The following WDR70 variants were observed in gnomAD, a reference collection of about 807,000 sequenced individuals.
WDR70 encodes WD repeat-containing protein 70.
A neutral mutation model predicts 88.6 loss-of-function variants in WDR70; 53 were observed. That is an observed-to-expected ratio of 0.60 (90% CI 0.48 to 0.75). The LOEUF (loss-of-function observed/expected upper bound fraction) is 0.75, where lower values mean the gene tolerates loss of function less well. WDR70 is among the 30% of genes least tolerant of loss of function. WDR70 has a pLI of 0.00. For missense variants in WDR70, 610 were observed against 823.2 expected, an observed-to-expected ratio of 0.74 and a Z score of 3.17; for synonymous variants, 280 against 270.0, an observed-to-expected ratio of 1.04 and a Z score of -0.36.
At chr5:37,664,948 TA>T (rs1253086645) in intron 10 of WDR70, among the ~76,000 whole-genome samples, 2 of 152,256 alleles carry the variant, frequency 1.3e-5, no homozygotes, top group Non-Finnish European at 2.9e-5. Flanking sequence ...CAAGGCAATC[TA>T]AAGAATAGGG....
chr5:37,389,302 C>CT (rs1748735199), intron 3 of WDR70, among the ~76,000 whole-genome samples: 1 of 133,148 alleles, frequency 7.5e-6, no homozygotes, highest in African/African-American at 4.1e-5. Context: ...CTGTCGAGAC[C>CT]AGGCTGGTCT....
At chr5:37,414,219 A>G (rs917086808) in intron 5 of WDR70, among the ~76,000 whole-genome samples, 20 of 151,160 alleles carry the variant, frequency 1.3e-4, no homozygotes, top group African/African-American at 2.9e-4. Context: ...GTTTCTTCCT[A>G]TCACTTCAGG....
chr5:37,467,741 G>C (rs1739202732), intron 7 of WDR70, among the ~76,000 whole-genome samples: 1 of 149,564 alleles, frequency 6.7e-6, no homozygotes, highest in Admixed American at 6.7e-5. Flanking sequence ...TTTTTTTAGA[G>C]ATGGAGTCTC....
chr5:37,594,868 T>C (rs1334974018), intron 9 of WDR70, among the ~76,000 whole-genome samples: 1 of 152,200 alleles, frequency 6.6e-6, no homozygotes, highest in African/African-American at 2.4e-5. Flanking sequence ...CCCTTGTAAG[T>C]TGGATTCCTA....
At chr5:37,480,123 G>A in intron 8 of WDR70, 136 bp downstream of exon 8, 1 of 1,142,356 alleles carries the variant, frequency 8.8e-7, no homozygotes, top group Non-Finnish European at 1.2e-6. Context: ...TCACAATCAT[G>A]TGGATTGATT....
chr5:37,582,062 A>T (rs577128), intron 9 of WDR70, among the ~76,000 whole-genome samples: 4,427 of 152,008 alleles, frequency 0.029, 231 homozygotes, highest in African/African-American at 0.1. Flanking sequence ...TTGACATTTG[A>T]TGGTCTCACT....
At chr5:37,513,003 T>C (rs1740766827) in intron 8 of WDR70, among the ~76,000 whole-genome samples, 1 of 152,224 alleles carries the variant, frequency 6.6e-6, no homozygotes, top group Admixed American at 6.5e-5. Flanking sequence ...ACAGGGTAGA[T>C]AGTTATCTGG....
chr5:37,382,506 G>A (rs1748458757), intron 3 of WDR70, among the ~76,000 whole-genome samples: 1 of 151,360 alleles, frequency 6.6e-6, no homozygotes, highest in South Asian at 2.1e-4. Context: ...CTACCTCCCC[G>A]GTTCAAGCAA....
intron 13 of WDR70, among the ~76,000 whole-genome samples, chr5:37,709,798 C>A (rs1393385407): frequency 6.8e-6 from 1 of 147,770 alleles, no homozygotes; most frequent in Non-Finnish European, 1.5e-5. Context: ...AACAATGTTG[C>A]ATTTTTGCTG....
At chr5:37,507,267 A>G (rs1007120320) in intron 8 of WDR70, among the ~76,000 whole-genome samples, 3 of 152,160 alleles carry the variant, frequency 2.0e-5, no homozygotes, top group African/African-American at 7.2e-5. Context: ...TATGGGGTAC[A>G]TGTGATATTT....
At chr5:37,694,121 A>G (rs922152655) in intron 10 of WDR70, among the ~76,000 whole-genome samples, 6 of 152,248 alleles carry the variant, frequency 3.9e-5, no homozygotes, top group African/African-American at 1.4e-4. Flanking sequence ...TGATTATCAG[A>G]GAAATGCAAA....
intron 9 of WDR70, among the ~76,000 whole-genome samples, chr5:37,551,930 C>T (rs948481030): frequency 2.6e-5 from 4 of 151,782 alleles, no homozygotes; most frequent in African/African-American, 9.7e-5. Flanking sequence ...CACCACCATG[C>T]CCGGCTAATT....
Position 37,720,477 on chromosome 5 carries a change from G to A in WDR70, c.1417-638G>A, listed in dbSNP as rs867047363. Among the ~76,000 whole-genome samples the A allele has an allele frequency of 2.6e-5, 4 of 152,242 alleles. No homozygotes were observed. In the South Asian group the frequency reaches 6.2e-4, roughly 24 times the overall value. ...AGAGCACCACTTATTTTCCTTACCA[G>A]TAATGAATTCATAGGATCATAACTT... On this transcript the variant is annotated intron_variant, in intron 13 of 17. Coordinates refer to ENST00000265107, the MANE Select transcript of WDR70 (RefSeq NM_018034.4).
At chr5:37,731,605 A>G (rs1748146462) in intron 17 of WDR70, among the ~76,000 whole-genome samples, 1 of 152,006 alleles carries the variant, frequency 6.6e-6, no homozygotes, top group Non-Finnish European at 1.5e-5. Flanking sequence ...GATTTTTTTT[A>G]TACTTCAGAA....
At chr5:37,715,964 C>T (rs185232432) in intron 13 of WDR70, among the ~76,000 whole-genome samples, 17 of 152,112 alleles carry the variant, frequency 1.1e-4, no homozygotes, top group African/African-American at 3.6e-4. Flanking sequence ...TGGATAGTCC[C>T]AAGGATGTCT....
At chr5:37,594,892 C>A (rs909576525) in intron 9 of WDR70, among the ~76,000 whole-genome samples, 1 of 152,140 alleles carries the variant, frequency 6.6e-6, no homozygotes, top group African/African-American at 2.4e-5. Context: ...ATTTTATTCT[C>A]TTTGAAGCAG....
chr5:37,748,701 T>C (rs1748707943), intron 17 of WDR70, among the ~76,000 whole-genome samples: 1 of 152,136 alleles, frequency 6.6e-6, no homozygotes, highest in Non-Finnish European at 1.5e-5. Context: ...GGGAGAAAAT[T>C]TTTGCAATCT....
chr5:37,628,534 C>T (rs572680449), intron 10 of WDR70, among the ~76,000 whole-genome samples: 8 of 152,288 alleles, frequency 5.3e-5, no homozygotes, highest in Non-Finnish European at 1.0e-4. Context: ...ATAGCTACTC[C>T]TGCTCACTTG....
chr5:37,739,018 T>C (rs1472158588), intron 17 of WDR70, among the ~76,000 whole-genome samples: 3 of 152,242 alleles, frequency 2.0e-5, no homozygotes, highest in Admixed American at 6.5e-5. Context: ...TCTAATCTGC[T>C]CTCCTTTTCT....
Sources: gnomAD v4.1 joint callset for allele counts (sites outside exome capture counted in the v4.1 genomes callset) on GRCh38, gnomAD v4.1.1 for gene constraint, MANE v1.5 for transcripts, NCBI Gene and HGNC (gene_info 2026-07-23, HGNC 2026-07-21) for gene names.